The following TGFA variants were observed in gnomAD, a reference collection of about 807,000 sequenced individuals.
The protein encoded by TGFA is protransforming growth factor alpha.
Under a neutral mutation model 21.7 loss-of-function variants are expected in TGFA, and 12 were observed. The ratio of observed to expected loss-of-function variants is 0.55; its 90% CI spans 0.35 to 0.90. TGFA has a LOEUF of 0.90. TGFA is among the 40% of genes least tolerant of loss of function. The pLI, the probability that TGFA is intolerant of heterozygous loss-of-function variation, is 0.01. For synonymous variants in TGFA, 79 were observed against 88.1 expected (o/e 0.90, Z 0.58); for missense variants, 178 against 210.8 (o/e 0.84, Z 0.96).
chr2:70,500,861 T>C (rs1327076636), intron 2 of TGFA, among the ~76,000 whole-genome samples: 1 of 152,228 alleles, frequency 6.6e-6, no homozygotes, highest in Admixed American at 6.5e-5. Flanking sequence ...ATTCCATAGG[T>C]TGTCTCTTCA....
chr2:70,454,469 GGAAA>G (rs1670162596), intron 4 of TGFA, among the ~76,000 whole-genome samples: 1 of 152,252 alleles, frequency 6.6e-6, no homozygotes, highest in African/African-American at 2.4e-5. Flanking sequence ...AGTCTGGGCT[GGAAA>G]CAGTACATCC....
At chr2:70,552,156 C>T (rs922610556) in intron 1 of TGFA, among the ~76,000 whole-genome samples, 1 of 151,890 alleles carries the variant, frequency 6.6e-6, no homozygotes, top group East Asian at 1.9e-4. Flanking sequence ...CCACGTTCTT[C>T]GACAATCCTG....
Position 70,453,238 on chromosome 2 carries a change from G to A in TGFA, c.455C>T (p.Ala152Val), listed in dbSNP as rs782326575. 5 of 1,613,956 alleles carry A rather than the reference G, an allele frequency of 3.1e-6. No homozygotes were observed. The highest frequency in any genetic ancestry group is 1.1e-5 in the South Asian group (1 of 91,066). Residue 152 changes from alanine (A) to valine (V), a missense_variant, in exon 5 of 6, where the codon GCT becomes GTT. Physicochemically the swap from Ala to Val is moderately conservative, Grantham distance 64. Coordinates refer to ENST00000295400, the MANE Select transcript of TGFA (RefSeq NM_003236.4). ...KPSALLKGRT[A>V]CCHSETVV ...CTTACCTGTTTCTGAGTGGCAGCAA[G>A]CGGTTCTTCCCTTCAGGAGGGCGCT...
At chr2:70,538,548 T>C (rs1306524971) in intron 1 of TGFA, among the ~76,000 whole-genome samples, 2 of 152,184 alleles carry the variant, frequency 1.3e-5, no homozygotes, top group Non-Finnish European at 2.9e-5. Context: ...TGACTGACTT[T>C]GAGGGGTTTG....
At chr2:70,514,077 C>A (rs1266004125) in intron 2 of TGFA, among the ~76,000 whole-genome samples, 3 of 152,154 alleles carry the variant, frequency 2.0e-5, no homozygotes, top group African/African-American at 7.2e-5. Flanking sequence ...GAAACTAGAG[C>A]CACCGTAAAT....
At chr2:70,479,476 G>A (rs1671043724) in intron 2 of TGFA, among the ~76,000 whole-genome samples, 1 of 152,140 alleles carries the variant, frequency 6.6e-6, no homozygotes. Flanking sequence ...TCTTTGCAAT[G>A]AGAACTGGTT....
intron 2 of TGFA, among the ~76,000 whole-genome samples, chr2:70,486,035 A>G (rs1390657773): frequency 6.6e-6 from 1 of 152,172 alleles, no homozygotes; most frequent in East Asian, 1.9e-4. Flanking sequence ...CACAAAATAT[A>G]TATCTTAATT....
intron 2 of TGFA, among the ~76,000 whole-genome samples, chr2:70,493,557 C>T (rs111731952): frequency 7.7e-4 from 117 of 152,220 alleles, no homozygotes; most frequent in African/African-American, 2.6e-3. Flanking sequence ...CTGAAATGTT[C>T]CAGAATCCCC....
chr2:70,516,975 T>C (rs450419), intron 1 of TGFA, among the ~76,000 whole-genome samples: 66,193 of 152,098 alleles, frequency 0.44, 16,433 homozygotes, highest in African/African-American at 0.69. Flanking sequence ...TTGGCCTCTG[T>C]TTAAGCAAAA....
intron 1 of TGFA, among the ~76,000 whole-genome samples, chr2:70,527,752 A>G (rs1672683011): frequency 6.6e-6 from 1 of 152,202 alleles, no homozygotes; most frequent in Admixed American, 6.5e-5. Context: ...CTTTCTGCTC[A>G]ATTTTTCTGT....
chr2:70,518,206 A>G (rs1553501848), intron 1 of TGFA, among the ~76,000 whole-genome samples: 1 of 152,230 alleles, frequency 6.6e-6, no homozygotes, highest in Non-Finnish European at 1.5e-5. Flanking sequence ...GGCTTCTAGG[A>G]ATCCCTTCTA....
At chr2:70,466,515 A>G (rs1440763476) in intron 2 of TGFA, among the ~76,000 whole-genome samples, 1 of 152,094 alleles carries the variant, frequency 6.6e-6, no homozygotes, top group African/African-American at 2.4e-5. Flanking sequence ...TCTGTCTCAA[A>G]AAAAACCAAA....
chr2:70,462,766 A>G (rs1670441355), intron 3 of TGFA, among the ~76,000 whole-genome samples: 1 of 152,168 alleles, frequency 6.6e-6, no homozygotes, highest in East Asian at 1.9e-4. Flanking sequence ...TGGGCCATCA[A>G]GATCCAGGGG....
chr2:70,535,981 C>T (rs540361082), intron 1 of TGFA, among the ~76,000 whole-genome samples: 30 of 152,148 alleles, frequency 2.0e-4, no homozygotes, highest in Non-Finnish European at 4.1e-4. Context: ...TGGAGTAATG[C>T]TTTTTTTCTC....
intron 2 of TGFA, among the ~76,000 whole-genome samples, chr2:70,504,090 G>A (rs1671824516): frequency 6.6e-6 from 1 of 152,078 alleles, no homozygotes; most frequent in African/African-American, 2.4e-5. Flanking sequence ...GTCCATCACA[G>A]GAAACAAGTC....
At chr2:70,484,893 T>C (rs956150549) in intron 2 of TGFA, among the ~76,000 whole-genome samples, 3 of 152,232 alleles carry the variant, frequency 2.0e-5, no homozygotes, top group Non-Finnish European at 4.4e-5. Flanking sequence ...AGAACCCTAG[T>C]TGATGTATTC....
At chr2:70,496,968 ACTT>A (rs1347344806) in intron 2 of TGFA, among the ~76,000 whole-genome samples, 4 of 152,210 alleles carry the variant, frequency 2.6e-5, no homozygotes, top group Admixed American at 2.6e-4. Context: ...TGCAGGGAAA[ACTT>A]CTCTGAAATG....
intron 1 of TGFA, among the ~76,000 whole-genome samples, chr2:70,552,980 A>G (rs1553507037): frequency 6.6e-6 from 1 of 152,088 alleles, no homozygotes; most frequent in African/African-American, 2.4e-5. Flanking sequence ...CAAAAAACGC[A>G]CCGCTCCGCA....
chr2:70,502,179 T>C (rs189782845), intron 2 of TGFA, among the ~76,000 whole-genome samples: 1 of 152,290 alleles, frequency 6.6e-6, no homozygotes, highest in East Asian at 1.9e-4. Context: ...ACGTCTCCCA[T>C]AAGTAAAGGA....
Sources: gnomAD v4.1 joint callset for allele counts (sites outside exome capture counted in the v4.1 genomes callset) on GRCh38, gnomAD v4.1.1 for gene constraint, MANE v1.5 for transcripts, NCBI Gene and HGNC (gene_info 2026-07-23, HGNC 2026-07-21) for gene names.